Variants in STAB2 observed in about 807,000 individuals in gnomAD.
STAB2 encodes stabilin-2.
In STAB2, 288 loss-of-function variants were observed where a neutral mutation model predicts 338.1. The observed-to-expected ratio is 0.85, with a 90% CI of 0.77 to 0.94. The LOEUF is 0.94. Among genes scored for constraint, STAB2 ranks in the 40% least tolerant of loss-of-function variants. STAB2 has a pLI of 0.00. For synonymous variants in STAB2, 1,202 were observed against 1,193.3 expected (o/e 1.01, Z -0.15); for missense variants, 3,141 against 3,210.1 (o/e 0.98, Z 0.52).
chr12:103,708,300 G>A (rs998602292), intron 38 of STAB2, 141 bp from the exon 39 acceptor site: 5 of 762,648 alleles, frequency 6.6e-6, no homozygotes, highest in Non-Finnish European at 1.1e-5. Flanking sequence ...CCCTTTTTGT[G>A]ATTCAAGACC....
chr12:103,702,436 C>T (rs1040657805), intron 34 of STAB2, among the ~76,000 whole-genome samples: 1 of 151,974 alleles, frequency 6.6e-6, no homozygotes, highest in African/African-American at 2.4e-5. Flanking sequence ...GTAGCTGGGA[C>T]TACAGGCGCC....
chr12:103,666,185 G>T (rs1193756632), intron 18 of STAB2, 106 bp from the exon 19 acceptor site: 1 of 1,117,868 alleles, frequency 8.9e-7, no homozygotes, highest in Non-Finnish European at 1.4e-6. Context: ...TCATGGCTCA[G>T]TGGGGTTTCC....
intron 34 of STAB2, among the ~76,000 whole-genome samples, chr12:103,701,977 TACACACACACACACACACACACACAC>T (rs71097990): frequency 1.4e-5 from 2 of 143,948 alleles, no homozygotes; most frequent in Non-Finnish European, 1.5e-5. Flanking sequence ...TCAGCCCTGC[TACACACACACACACACACACACACAC>T]ACACACACAC....
intron 9 of STAB2, among the ~76,000 whole-genome samples, chr12:103,645,098 T>C (rs1873232500): frequency 6.6e-6 from 1 of 152,218 alleles, no homozygotes; most frequent in Admixed American, 6.5e-5. Context: ...CCCTATATAC[T>C]AACTAAATCT....
chr12:103,728,947 A>G lies in STAB2; in HGVS notation c.5034A>G (p.Ser1678=). 1 of 1,613,934 alleles carries G rather than the reference A, an allele frequency of 6.2e-7. No individual in the cohort carries two copies. The highest frequency in any genetic ancestry group is 8.5e-7 in the Non-Finnish European group (1 of 1,179,866). ...TTCTGGAAAACCTGAAATTGATCTCAAATGCTACTTCCCTCCAAGGAGAGC... is the reference window on the plus strand; with the variant it reads ...TTCTGGAAAACCTGAAATTGATCTCGAATGCTACTTCCCTCCAAGGAGAGC... The part of the protein sequence containing the change: ...QLLLENLKLI[S]NATSLQGEPI... Residue 1678 remains serine (S), a synonymous_variant, in exon 48 of 69, where the codon TCA becomes TCG. Transcript: ENST00000388887.
chr12:103,761,496 C>T lies in STAB2; in HGVS notation c.7359+86C>T. The T allele has an allele frequency of 2.5e-6, 3 of 1,203,326 alleles. No homozygotes were observed. In the South Asian group the frequency reaches 3.8e-5, roughly 15 times the overall value. The allele number at this position is 1,203,326 out of a possible 1,614,324, so 74.5% of individuals were successfully genotyped here. A position where few individuals can be genotyped will look rare whatever the true frequency, so the allele number is the denominator to read the frequency against. On this transcript the variant is annotated intron_variant, in intron 66 of 68. Transcript: ENST00000388887. ...GGCAAACCATTACCAGAAGCCCTGT[C>T]CTCCTCCCTCTTCCTCCAGAGACTG... is the stretch of plus-strand genomic sequence containing the variant.
chr12:103,682,765 T>C lies in STAB2; in HGVS notation c.2806-440T>C, dbSNP rs183657378. On this transcript the variant is annotated intron_variant, in intron 25 of 68. Transcript: ENST00000388887. The stretch of plus-strand genomic sequence containing the variant: ...GAGTTTGAGACCAGCCTGACCAACA[T>C]GGTGAAACCCCGTCTGTACTAAAAA... Among the ~76,000 whole-genome samples, 811 of 152,130 alleles carry C rather than the reference T, an allele frequency of 5.3e-3. 3 individuals carry two copies. The highest frequency in any genetic ancestry group is 8.0e-3 in the Non-Finnish European group (545 of 68,004).
chr12:103,704,472 C>A, intron 35 of STAB2, 86 bp from the exon 36 acceptor site: 1 of 1,392,598 alleles, frequency 7.2e-7, no homozygotes, highest in Admixed American at 2.0e-5. Flanking sequence ...ATTTTTAATT[C>A]AAAAACCTTC....
intron 58 of STAB2, among the ~76,000 whole-genome samples, chr12:103,748,757 C>T (rs1038284967): frequency 1.3e-5 from 2 of 152,122 alleles, no homozygotes; most frequent in African/African-American, 4.8e-5. Flanking sequence ...CAGATGTCAT[C>T]AGGCTGCATC....
chr12:103,689,531 A>C (rs77648699), intron 28 of STAB2, among the ~76,000 whole-genome samples: 1 of 152,078 alleles, frequency 6.6e-6, no homozygotes, highest in East Asian at 1.9e-4. Flanking sequence ...CTCTGCACAC[A>C]CACATACTCA....
chr12:103,738,933 T>C (rs1300039551), intron 53 of STAB2, among the ~76,000 whole-genome samples: 1 of 152,184 alleles, frequency 6.6e-6, no homozygotes. Flanking sequence ...TTCAGAATTA[T>C]CTGTGGCAAA....
In STAB2 at chr12:103,654,576, C is replaced by T. The variant is rs939214172; in HGVS notation, c.1429C>T (p.Leu477Phe). ...SDKDNQIKLK[L>F]HGGKKKVKII... ...TTAGGACAATCAAATAAAGCTTAAA[C>T]TCCATGGAGGCAAAAAGAAGGTAAA... The change falls in exon 13 of 69, where the codon CTC (leucine) becomes TTC (phenylalanine). Residue 477 changes from leucine to phenylalanine, a missense_variant. Coordinates refer to ENST00000388887, the MANE Select transcript of STAB2 (RefSeq NM_017564.10). 1 of 1,614,028 alleles carries T rather than the reference C, an allele frequency of 6.2e-7. No individual in the cohort carries two copies. Among genetic ancestry groups the T allele is most frequent in the South Asian group, 1.1e-5 (1 of 91,034 alleles).
chr12:103,656,471 A>C (rs1874184583), intron 15 of STAB2, among the ~76,000 whole-genome samples: 1 of 152,218 alleles, frequency 6.6e-6, no homozygotes, highest in African/African-American at 2.4e-5. Flanking sequence ...TACCTCAAGC[A>C]TTCTGGTTTA....
At chr12:103,603,764 G>C (rs1052582967) in intron 3 of STAB2, among the ~76,000 whole-genome samples, 2 of 152,180 alleles carry the variant, frequency 1.3e-5, no homozygotes, top group Non-Finnish European at 2.9e-5. Flanking sequence ...GTCCTCCTAA[G>C]ATTTTAATTC....
At chr12:103,644,557 AT>A (rs1873195601) in intron 9 of STAB2, among the ~76,000 whole-genome samples, 1 of 150,178 alleles carries the variant, frequency 6.7e-6, no homozygotes, top group Non-Finnish European at 1.5e-5. Context: ...AAATAAATAA[AT>A]AAATAAATAA....
Position 103,616,559 on chromosome 12 carries a change from G to A in STAB2, c.332-3909G>A, listed in dbSNP as rs76656817. ...TTGCCTGAAAATGTAAAAATACCTG[G>A]GAGGACATTTCTGCAAGGTGGCACT... On this transcript the variant is annotated intron_variant, in intron 3 of 68. Coordinates refer to ENST00000388887, the MANE Select transcript of STAB2 (RefSeq NM_017564.10). 6.7e-3 allele frequency among the ~76,000 whole-genome samples: 1,020 copies of A among 152,302 alleles called. 5 individuals are homozygous for A. The highest frequency in any genetic ancestry group is 0.017 in the Middle Eastern group (5 of 294).
chr12:103,598,190 A>G (rs939483441), intron 3 of STAB2, among the ~76,000 whole-genome samples: 2 of 152,218 alleles, frequency 1.3e-5, no homozygotes, highest in Non-Finnish European at 2.9e-5. Context: ...TATAAATGGA[A>G]TATTGGGACA....
intron 20 of STAB2, 93 bp from the exon 21 acceptor site, chr12:103,669,448 C>T (rs1440649741): frequency 2.6e-5 from 29 of 1,119,956 alleles, no homozygotes; most frequent in Non-Finnish European, 3.5e-5. Flanking sequence ...GCGAATATGG[C>T]TTAGTATAAT....
chr12:103,614,652 C>A (rs114111007), intron 3 of STAB2, among the ~76,000 whole-genome samples: 2 of 152,142 alleles, frequency 1.3e-5, no homozygotes, highest in Non-Finnish European at 2.9e-5. Context: ...TAAGTTCATC[C>A]ACATCAGAAC....
Sources: gnomAD v4.1 joint callset for allele counts (sites outside exome capture counted in the v4.1 genomes callset) on GRCh38, gnomAD v4.1.1 for gene constraint, MANE v1.5 for transcripts, NCBI Gene and HGNC (gene_info 2026-07-23, HGNC 2026-07-21) for gene names.